The following GPHN variants were observed in gnomAD, a reference collection of about 807,000 sequenced individuals.
GPHN encodes gephyrin.
A neutral mutation model predicts 95.5 loss-of-function variants in GPHN; 17 were observed. The ratio of observed to expected loss-of-function variants is 0.18; its 90% CI spans 0.12 to 0.27. The LOEUF is 0.27. Ranked by LOEUF, GPHN falls within the 10% of genes least tolerant of loss-of-function variation. GPHN has a pLI of 1.00. For missense variants in GPHN, 660 were observed against 978.1 expected (o/e 0.67, Z 4.34); for synonymous variants, 320 against 322.5 (o/e 0.99, Z 0.08).
At chr14:66,543,171 C>A (rs10132699) in intron 1 of GPHN, among the ~76,000 whole-genome samples, 4,447 of 152,094 alleles carry the variant, frequency 0.029, 206 homozygotes, top group African/African-American at 0.1. Flanking sequence ...CCAATCACCC[C>A]CTACCAGGCC....
the GPHN span, among the ~76,000 whole-genome samples, chr14:67,208,853 C>T: frequency 2.7e-5 from 4 of 148,480 alleles, no homozygotes; most frequent in Non-Finnish European, 5.9e-5. Flanking sequence ...GCCAAGATCA[C>T]GCTACTGCAT....
intron 17 of GPHN, among the ~76,000 whole-genome samples, chr14:67,141,757 T>C (rs970499176): frequency 2.6e-5 from 4 of 152,230 alleles, no homozygotes; most frequent in African/African-American, 9.6e-5. Context: ...GTTGTGTCTC[T>C]GGTAGGTCTC....
chr14:66,830,158 C>T (rs1369517040), intron 4 of GPHN, among the ~76,000 whole-genome samples: 1 of 152,144 alleles, frequency 6.6e-6, no homozygotes, highest in African/African-American at 2.4e-5. Flanking sequence ...TTTGTCCACC[C>T]ATGGCCTTTT....
In GPHN at chr14:66,686,726, A is replaced by T. The variant is rs543391983; in HGVS notation, c.143+5541A>T. 1.9e-3 allele frequency among the ~76,000 whole-genome samples: 296 copies of T among 152,248 alleles called. 19 individuals carry two copies. The South Asian group carries it at 0.061, about 31-fold the overall frequency. The stretch of plus-strand genomic sequence containing the variant: ...GACAATTTGAGTTCTTCTTTTCCTA[A>T]TTGAATACCCTTTATTTCTTTCTCC... On this transcript the variant is annotated intron_variant, in intron 2 of 22. Coordinates refer to ENST00000478722, the MANE Select transcript of GPHN (RefSeq NM_020806.5).
intron 9 of GPHN, among the ~76,000 whole-genome samples, chr14:66,971,315 C>T (rs994802944): frequency 1.2e-4 from 18 of 152,072 alleles, no homozygotes; most frequent in Admixed American, 6.5e-4. Context: ...GCAACGAGAA[C>T]GAAACTCCAT....
the GPHN span, chr14:67,302,463 AG>A: frequency 6.3e-7 from 1 of 1,599,558 alleles, no homozygotes; most frequent in Non-Finnish European, 8.5e-7. Context: ...GGATAGTAAA[AG>A]GGGGTGCTGC....
chr14:67,293,774 C>T, the GPHN span, among the ~76,000 whole-genome samples: 7 of 152,086 alleles, frequency 4.6e-5, no homozygotes, highest in East Asian at 1.9e-4. Context: ...GTTTCAAATC[C>T]GGTTGGGAAG....
At chr14:67,429,879 G>A in the GPHN span, among the ~76,000 whole-genome samples, 3 of 152,262 alleles carry the variant, frequency 2.0e-5, no homozygotes, top group East Asian at 5.8e-4. Context: ...AGCGCTACAA[G>A]TAACAGCTTT....
chr14:67,490,486 T>A, the GPHN span, among the ~76,000 whole-genome samples: 6 of 152,188 alleles, frequency 3.9e-5, no homozygotes, highest in Admixed American at 3.9e-4. Flanking sequence ...GAATAACAAC[T>A]CCTGTTCTGT....
At chr14:66,529,758 C>G (rs1594836588) in intron 1 of GPHN, among the ~76,000 whole-genome samples, 1 of 152,260 alleles carries the variant, frequency 6.6e-6, no homozygotes, top group East Asian at 1.9e-4. Flanking sequence ...TGCTGGAGGT[C>G]CACTCCAGAC....
chr14:67,535,616 G>A, the GPHN span, among the ~76,000 whole-genome samples: 1 of 152,006 alleles, frequency 6.6e-6, no homozygotes, highest in Non-Finnish European at 1.5e-5. Flanking sequence ...CTGACCTCAG[G>A]TAAGCCGCCT....
At chr14:67,713,978 T>C in the GPHN span, among the ~76,000 whole-genome samples, 29 of 152,178 alleles carry the variant, frequency 1.9e-4, no homozygotes, top group Admixed American at 1.8e-3. Flanking sequence ...GAGGTATGAC[T>C]TTGAATAGAA....
the GPHN span, chr14:67,303,602 A>G: frequency 7.5e-6 from 12 of 1,608,266 alleles, no homozygotes; most frequent in East Asian, 2.0e-4. Flanking sequence ...AAACAGTAGT[A>G]AGTGATTTTT....
the GPHN span, among the ~76,000 whole-genome samples, chr14:67,532,031 T>C: frequency 6.6e-6 from 1 of 152,110 alleles, no homozygotes; most frequent in Non-Finnish European, 1.5e-5. Flanking sequence ...AGCCTGAGCA[T>C]TGTCCCACAA....
At chr14:66,790,181 C>A (rs2059922424) in intron 3 of GPHN, among the ~76,000 whole-genome samples, 1 of 152,160 alleles carries the variant, frequency 6.6e-6, no homozygotes, top group African/African-American at 2.4e-5. Flanking sequence ...TATTACCCAG[C>A]TTTAGTCACG....
intron 1 of GPHN, among the ~76,000 whole-genome samples, chr14:66,555,630 A>C (rs1197246825): frequency 6.6e-6 from 1 of 152,168 alleles, no homozygotes; most frequent in African/African-American, 2.4e-5. Context: ...CAAAAAAAGA[A>C]AAAAAATCCT....
At chr14:67,034,867 T>C (rs574261455) in intron 10 of GPHN, among the ~76,000 whole-genome samples, 4 of 152,060 alleles carry the variant, frequency 2.6e-5, no homozygotes, top group South Asian at 2.1e-4. Context: ...GGATAATGGA[T>C]AGAACAACCA....
At chr14:66,693,791 A>G (rs375052037) in intron 2 of GPHN, among the ~76,000 whole-genome samples, 181 of 152,304 alleles carry the variant, frequency 1.2e-3, no homozygotes, top group African/African-American at 4.0e-3. Flanking sequence ...ACCAAAAATT[A>G]ATCATCATAA....
At chr14:67,482,289 C>T in the GPHN span, among the ~76,000 whole-genome samples, 6 of 152,200 alleles carry the variant, frequency 3.9e-5, no homozygotes, top group African/African-American at 1.2e-4. Flanking sequence ...GGTAAAGAGG[C>T]TGCCATAAAA....
Sources: allele counts gnomAD v4.1 joint callset (sites outside exome capture counted in the v4.1 genomes callset), GRCh38; gene constraint gnomAD v4.1.1; transcripts MANE v1.5; gene names NCBI Gene and HGNC (gene_info 2026-07-23, HGNC 2026-07-21).